The following PRDM16 variants were observed in gnomAD, a reference collection of about 807,000 sequenced individuals.
The protein encoded by PRDM16 is histone-lysine N-methyltransferase PRDM16.
PRDM16 carries 23 observed loss-of-function variants against 110.6 expected under a neutral mutation model. The observed-to-expected ratio is 0.21, with a 90% CI of 0.15 to 0.29. PRDM16 has a LOEUF of 0.29. Ranked by LOEUF, PRDM16 falls within the 10% of genes least tolerant of loss-of-function variation. The probability of loss-of-function intolerance (pLI) is 1.00; values close to 1 mark genes in which losing one functional copy is unlikely to be tolerated. For missense variants in PRDM16, 1,615 were observed against 1,794.3 expected (o/e 0.90, Z 1.81); for synonymous variants, 799 against 781.8 (o/e 1.02, Z -0.37).
chr1:3,341,065 C>T (rs576443606), intron 3 of PRDM16, among the ~76,000 whole-genome samples: 203 of 146,854 alleles, frequency 1.4e-3, no homozygotes, highest in African/African-American at 5.1e-3. Flanking sequence ...GTTGCTGCCC[C>T]CTGAGCCCTC....
intron 1 of PRDM16, among the ~76,000 whole-genome samples, chr1:3,106,412 C>T (rs1215231783): frequency 7.9e-5 from 12 of 152,108 alleles, no homozygotes; most frequent in Non-Finnish European, 1.2e-4. Context: ...CACTGGGGCC[C>T]GAGGGGGCTG....
intron 2 of PRDM16, among the ~76,000 whole-genome samples, chr1:3,242,863 C>G (rs998958977): frequency 2.6e-5 from 4 of 152,204 alleles, no homozygotes; most frequent in African/African-American, 9.7e-5. Flanking sequence ...GGTTTCTATT[C>G]TTATGGAAAC....
chr1:3,413,111 C>T (rs955831451), intron 9 of PRDM16, among the ~76,000 whole-genome samples: 1 of 152,012 alleles, frequency 6.6e-6, no homozygotes, highest in Non-Finnish European at 1.5e-5. Flanking sequence ...CGAGCGCCTC[C>T]TATCCCCAGT....
chr1:3,163,670 G>T (rs1260711976), intron 1 of PRDM16, among the ~76,000 whole-genome samples: 1 of 152,148 alleles, frequency 6.6e-6, no homozygotes, highest in Non-Finnish European at 1.5e-5. Context: ...CCCTTGTCCC[G>T]GCCTCCTTCT....
At chr1:3,218,056 G>A (rs895698833) in intron 2 of PRDM16, among the ~76,000 whole-genome samples, 12 of 152,220 alleles carry the variant, frequency 7.9e-5, no homozygotes, top group African/African-American at 2.9e-4. Context: ...CGAGCCCCTC[G>A]CTGCCGCCCC....
chr1:3,201,869 A>T lies in PRDM16; in HGVS notation c.387+15395A>T, dbSNP rs1182075729. ...GAGCCTGCGGCTTCCCAGATCCCAC[A>T]TGAGCTTAGGCGCTGACTCCACCTC... On this transcript the variant is annotated intron_variant, in intron 2 of 16. Coordinates refer to ENST00000270722, the MANE Select transcript of PRDM16 (RefSeq NM_022114.4). The surrounding 1 kb of genome is among the most constrained non-coding windows in gnomAD (Gnocchi z 4.1). 1.3e-5 allele frequency among the ~76,000 whole-genome samples: 2 copies of T among 152,062 alleles called. No individual in the cohort carries two copies. Among genetic ancestry groups the T allele is most frequent in the Non-Finnish European group, 2.9e-5 (2 of 67,998 alleles).
At position 3,404,279 on chromosome 1, in the gene PRDM16, C is replaced by T. The variant is rs181485146; in HGVS notation, c.885-460C>T. ...CCCCTCCGTGTCACCTGGAGACCCC[C>T]GAGTGACTCCCGACCTGCGTCCTCG... On this transcript the variant is annotated intron_variant, in intron 6 of 16. Coordinates refer to ENST00000270722, the MANE Select transcript of PRDM16 (RefSeq NM_022114.4). 3.9e-3 allele frequency among the ~76,000 whole-genome samples: 597 copies of T among 152,332 alleles called. 6 individuals are homozygous for T. Among genetic ancestry groups the T allele is most frequent in the African/African-American group, 0.013 (556 of 41,586 alleles).
Position 3,425,338 on chromosome 1 carries a change from A to T in PRDM16, c.2940-243A>T, listed in dbSNP as rs901071032. The T allele has an allele frequency of 2.8e-5, 11 of 394,890 alleles. No homozygotes were observed. The highest frequency in any genetic ancestry group is 2.2e-4 in the African/African-American group (11 of 49,128). 24.5% of individuals were successfully genotyped at this position (394,890 alleles called of 1,614,324 possible). A position where few individuals can be genotyped will look rare whatever the true frequency, so the allele number is the denominator to read the frequency against. Reference sequence around the variant, plus strand: ...CGTGATCCACCCGCCTTGGCCTCCCAAAGTGCTGTGATTATAGGCGTGAAC... The same window carrying T: ...CGTGATCCACCCGCCTTGGCCTCCCTAAGTGCTGTGATTATAGGCGTGAAC... On this transcript the variant is annotated intron_variant, in intron 12 of 16. Coordinates refer to ENST00000270722, the MANE Select transcript of PRDM16 (RefSeq NM_022114.4). This position sits in a 1 kb window ranked among gnomAD's most constrained non-coding sequence, Gnocchi z 6.9.
chr1:3,361,554 C>T (rs1054734820), intron 3 of PRDM16, among the ~76,000 whole-genome samples: 1 of 152,264 alleles, frequency 6.6e-6, no homozygotes, highest in Non-Finnish European at 1.5e-5. Context: ...TCCTACCCAG[C>T]TGGAACCCTG....
At chr1:3,251,717 G>A (rs1639938008) in intron 3 of PRDM16, among the ~76,000 whole-genome samples, 1 of 152,202 alleles carries the variant, frequency 6.6e-6, no homozygotes, top group African/African-American at 2.4e-5. Flanking sequence ...CAGGCGCCTA[G>A]TTCTGCAGCA....
intron 1 of PRDM16, among the ~76,000 whole-genome samples, chr1:3,184,688 C>T (rs1353646967): frequency 2.0e-5 from 3 of 152,206 alleles, no homozygotes; most frequent in African/African-American, 4.8e-5. Context: ...CTCATCACCC[C>T]GAAAGGAGAC....
intron 3 of PRDM16, among the ~76,000 whole-genome samples, chr1:3,363,319 C>G (rs1183383389): frequency 6.6e-6 from 1 of 152,216 alleles, no homozygotes; most frequent in Admixed American, 6.5e-5. Flanking sequence ...CAGCAGCGTC[C>G]CACATGAGAT....
rs897479519 is a variant in PRDM16, at chr1:3,353,211, G to C, written c.439-31941G>C. ...TGCCCTCCTGTAGTAAAAGTTAACC[G>C]GGTGTGAAATGCATGTTGCCTGAGG... is the stretch of plus-strand genomic sequence containing the variant. On this transcript the variant is annotated intron_variant, in intron 3 of 16. Transcript: ENST00000270722. This position sits in a 1 kb window ranked among gnomAD's most constrained non-coding sequence, Gnocchi z 5.4. 1.3e-5 allele frequency among the ~76,000 whole-genome samples: 2 copies of C among 152,218 alleles called. No individual in the cohort carries two copies. The highest frequency in any genetic ancestry group is 2.9e-5 in the Non-Finnish European group (2 of 68,048).
Position 3,376,161 on chromosome 1 carries a change from G to C in PRDM16, c.439-8991G>C, listed in dbSNP as rs1029790838. ...TCTGGGTGACTGGAGCTTTTGAAGG[G>C]AGAGGGTCTGTGACCCCTGGGGGCT... On this transcript the variant is annotated intron_variant, in intron 3 of 16. Transcript: ENST00000270722. Among the ~76,000 whole-genome samples, 4 of 152,160 alleles carry C rather than the reference G, an allele frequency of 2.6e-5. No individual in the cohort carries two copies. The South Asian group carries it at 8.3e-4, about 32-fold the overall frequency.
chr1:3,378,511 C>T (rs1643035654), intron 3 of PRDM16, among the ~76,000 whole-genome samples: 1 of 152,138 alleles, frequency 6.6e-6, no homozygotes, highest in African/African-American at 2.4e-5. Flanking sequence ...CTCTGGAGTC[C>T]GGCAGCCTGG....
chr1:3,395,232 G>A (rs1242988853), intron 4 of PRDM16, among the ~76,000 whole-genome samples: 1 of 152,164 alleles, frequency 6.6e-6, no homozygotes, highest in East Asian at 1.9e-4. Flanking sequence ...CTGTCTCGGG[G>A]GTGCCCAGCT....
intron 1 of PRDM16, among the ~76,000 whole-genome samples, chr1:3,132,297 G>A (rs1438024434): frequency 6.6e-6 from 1 of 152,208 alleles, no homozygotes; most frequent in Non-Finnish European, 1.5e-5. Context: ...TGTGGTCCCT[G>A]CCCAACTGAT....
chr1:3,373,737 C>A (rs1642946014), intron 3 of PRDM16, among the ~76,000 whole-genome samples: 1 of 152,196 alleles, frequency 6.6e-6, no homozygotes, highest in South Asian at 2.1e-4. Context: ...CAAACCCACT[C>A]CAGCCTGCAC....
At chr1:3,124,909 C>T (rs552275152) in intron 1 of PRDM16, among the ~76,000 whole-genome samples, 1 of 152,216 alleles carries the variant, frequency 6.6e-6, no homozygotes, top group African/African-American at 2.4e-5. Context: ...GAAGGGGCCC[C>T]AGGTCTCAGG....
Sources: allele counts gnomAD v4.1 joint callset (sites outside exome capture counted in the v4.1 genomes callset), GRCh38; gene constraint gnomAD v4.1.1; non-coding constraint Gnocchi (gnomAD v3.1); transcripts MANE v1.5; gene names NCBI Gene and HGNC (gene_info 2026-07-23, HGNC 2026-07-21).